The following SLC35F5 variants were observed in gnomAD, a reference collection of about 807,000 sequenced individuals.
SLC35F5 encodes the protein HCV NS5A-transactivated protein 3.
In SLC35F5, 54 loss-of-function variants were observed where a neutral mutation model predicts 68.6. The ratio of observed to expected loss-of-function variants is 0.79; its 90% CI spans 0.63 to 0.99. The LOEUF (loss-of-function observed/expected upper bound fraction) is 0.99, where lower values mean the gene tolerates loss of function less well. Among genes scored for constraint, SLC35F5 ranks in the 50% least tolerant of loss-of-function variants. The probability of loss-of-function intolerance (pLI) is 0.00; values close to 1 mark genes in which losing one functional copy is unlikely to be tolerated. For synonymous variants in SLC35F5, 211 were observed against 205.2 expected (o/e 1.03, Z -0.24); for missense variants, 567 against 626.9 (o/e 0.90, Z 1.02).
At chr2:113,732,436 A>G (rs959029045) in intron 9 of SLC35F5, among the ~76,000 whole-genome samples, 7 of 151,958 alleles carry the variant, frequency 4.6e-5, no homozygotes, top group Non-Finnish European at 7.4e-5. Context: ...TAAAAAAAAA[A>G]ATTAGCCTAA....
intron 15 of SLC35F5, among the ~76,000 whole-genome samples, chr2:113,715,913 C>T (rs1021113413): frequency 1.3e-5 from 2 of 152,008 alleles, no homozygotes; most frequent in African/African-American, 4.8e-5. Context: ...CACTTGTTCT[C>T]CAAAACCTCA....
At chr2:113,748,624 A>T (rs1676611067) in intron 4 of SLC35F5, among the ~76,000 whole-genome samples, 1 of 152,134 alleles carries the variant, frequency 6.6e-6, no homozygotes, top group African/African-American at 2.4e-5. Flanking sequence ...ACCTATACTA[A>T]TACACATACA....
At chr2:113,742,554 C>T in intron 7 of SLC35F5, 138 bp downstream of exon 7, 4 of 786,598 alleles carry the variant, frequency 5.1e-6, no homozygotes, top group East Asian at 5.1e-5. Context: ...AACTTCCTAC[C>T]GGTATCAAAT....
chr2:113,743,023 C>A, intron 6 of SLC35F5, 144 bp from the exon 7 acceptor site: 1 of 706,150 alleles, frequency 1.4e-6, no homozygotes, highest in Non-Finnish European at 2.3e-6. Flanking sequence ...TATATCATTA[C>A]CTGAGACAAC....
intron 3 of SLC35F5, among the ~76,000 whole-genome samples, chr2:113,754,853 AAAT>A (rs1223625289): frequency 6.6e-6 from 1 of 152,176 alleles, no homozygotes; most frequent in Non-Finnish European, 1.5e-5. Context: ...TTTCACTAGA[AAAT>A]AATATTTACA....
Position 113,710,760 on chromosome 2 carries a change from A to G in SLC35F5, c.*4458T>C, listed in dbSNP as rs997364269. Among the ~76,000 whole-genome samples, 3 of 149,382 alleles carry G rather than the reference A, an allele frequency of 2.0e-5. No individual in the cohort carries two copies. Among genetic ancestry groups the G allele is most frequent in the Non-Finnish European group, 3.0e-5 (2 of 67,126 alleles). ...ACTCCAGCCTGGGTGACAGAGTGAG[A>G]CCCCATCTCAAAAAAAAAAAAAGAA... is the stretch of plus-strand genomic sequence containing the variant. On this transcript the variant is annotated 3_prime_UTR_variant, in exon 16 of 16. Transcript: ENST00000245680.
At chr2:113,734,174 A>G (rs1219358905) in intron 9 of SLC35F5, among the ~76,000 whole-genome samples, 3 of 152,244 alleles carry the variant, frequency 2.0e-5, no homozygotes, top group Non-Finnish European at 4.4e-5. Context: ...TGAGGCTTAG[A>G]CAATTAGAGA....
intron 10 of SLC35F5, 24 bp downstream of exon 10, chr2:113,731,560 G>A (rs776581823): frequency 5.6e-6 from 9 of 1,594,364 alleles, no homozygotes; most frequent in Non-Finnish European, 7.7e-6. Flanking sequence ...CTCTAACAGA[G>A]AGAATCCAGA....
At chr2:113,742,907 A>T in intron 6 of SLC35F5, 28 bp from the exon 7 acceptor site, 1 of 1,576,230 alleles carries the variant, frequency 6.3e-7, no homozygotes, top group Non-Finnish European at 8.7e-7. Flanking sequence ...AATATGAAAT[A>T]ATTAAATAAT....
chr2:113,726,151 A>G (rs951223786), intron 11 of SLC35F5, among the ~76,000 whole-genome samples: 1 of 152,190 alleles, frequency 6.6e-6, no homozygotes, highest in Non-Finnish European at 1.5e-5. Flanking sequence ...GTCCAATCCC[A>G]GCTCTATATA....
intron 1 of SLC35F5, chr2:113,755,928 G>C: frequency 1.3e-6 from 2 of 1,550,488 alleles, no homozygotes; most frequent in Admixed American, 2.0e-5. Flanking sequence ...TTCTGTCCCT[G>C]ATCTGCTGGA....
intron 1 of SLC35F5, chr2:113,755,980 C>A: frequency 6.5e-7 from 1 of 1,544,072 alleles, no homozygotes; most frequent in Non-Finnish European, 8.7e-7. Context: ...TGCTGTGGGT[C>A]TTGAAGGCAC....
chr2:113,756,575 G>A lies in SLC35F5; in HGVS notation c.-166C>T. 7.0e-7 allele frequency: 1 copy of A among 1,433,788 alleles called. No individual in the cohort carries two copies. Among genetic ancestry groups the A allele is most frequent in the Non-Finnish European group, 9.1e-7 (1 of 1,097,230 alleles). 88.8% of individuals were successfully genotyped at this position (1,433,788 alleles called of 1,614,324 possible). On this transcript the variant is annotated 5_prime_UTR_variant, in exon 1 of 16. Transcript: ENST00000245680. ...ACACCACCCAACTCCACTCGGCCCA[G>A]GAGGGCGTGGAGCGGGTGAGGGGAA...
chr2:113,742,831 T>A lies in SLC35F5; in HGVS notation c.611A>T (p.Gln204Leu), dbSNP rs1264259641. The part of the protein sequence containing the change: ...VRFSNIMEIR[Q>L]LPSSHALEAK... ...TTCCAATGCATGACTTGACGGAAGC[T>A]GTCGAATCTCCATGATATTACTGAA... Residue 204 changes from glutamine to leucine, a missense_variant, in exon 7 of 16, where the codon CAG (glutamine) becomes CTG (leucine). Gln to Leu is a moderately radical substitution (Grantham distance 113, BLOSUM62 -2). Transcript: ENST00000245680. 1 of 1,614,178 alleles carries A rather than the reference T, an allele frequency of 6.2e-7. No homozygotes were observed. Among genetic ancestry groups the A allele is most frequent in the South Asian group, 1.1e-5 (1 of 91,078 alleles).
rs143010470 is a variant in SLC35F5 at position 113,753,162 on chromosome 2, G to GTTTTTTTTTTTTTTTTTTTTTT, written c.273+2002_273+2003insAAAAAAAAAAAAAAAAAAAAAA. 5.7e-4 allele frequency among the ~76,000 whole-genome samples: 29 copies of GTTTTTTTTTTTTTTTTTTTTTT among 50,536 alleles called. 1 individual carries two copies. The highest frequency in any genetic ancestry group is 1.5e-3 in the South Asian group (2 of 1,346). 33.2% of individuals were successfully genotyped at this position (50,536 alleles called of 152,430 possible). On this transcript the variant is annotated intron_variant, in intron 3 of 15. Coordinates refer to ENST00000245680, the MANE Select transcript of SLC35F5 (RefSeq NM_025181.5). Reference sequence around the variant, plus strand: ...AATACACACTTTATCTCCAAAGTTTGTTTTTCTTTTTTTTTTTTTTTTTTT... The same window carrying GTTTTTTTTTTTTTTTTTTTTTT: ...AATACACACTTTATCTCCAAAGTTTGTTTTTTTTTTTTTTTTTTTTTTTTTTTCTTTTTTTTTTTTTTTTTTT...
At chr2:113,744,004 ATG>A (rs573528019) in intron 5 of SLC35F5, 65 of 381,566 alleles carry the variant, frequency 1.7e-4, no homozygotes, top group African/African-American at 1.3e-3. Context: ...CAGTTTAGCA[ATG>A]TAATGTAACA....
chr2:113,734,565 G>T (rs769806719), intron 9 of SLC35F5, 21 bp downstream of exon 9: 2 of 1,333,590 alleles, frequency 1.5e-6, no homozygotes, highest in Non-Finnish European at 2.1e-6. Context: ...GAGCAAACTA[G>T]CTATCACACT....
downstream of SLC35F5, among the ~76,000 whole-genome samples, chr2:113,706,360 G>C (rs552896829): frequency 2.0e-5 from 3 of 152,186 alleles, no homozygotes; most frequent in Non-Finnish European, 4.4e-5. Flanking sequence ...TGCTGCGGGG[G>C]TTGTGCTTCC....
intron 11 of SLC35F5, among the ~76,000 whole-genome samples, chr2:113,727,456 T>C (rs530652485): frequency 1.8e-4 from 28 of 152,182 alleles, no homozygotes; most frequent in Non-Finnish European, 2.8e-4. Context: ...AACGTGGCAT[T>C]ACCAAGATCT....
Sources: gnomAD v4.1 joint callset for allele counts (sites outside exome capture counted in the v4.1 genomes callset) on GRCh38, gnomAD v4.1.1 for gene constraint, MANE v1.5 for transcripts, NCBI Gene and HGNC (gene_info 2026-07-23, HGNC 2026-07-21) for gene names.